Variants in RIMBP2 observed in about 807,000 individuals in gnomAD.
RIMBP2 encodes the protein RIMS binding protein 2.
RIMBP2 carries 48 observed loss-of-function variants against 118.6 expected under a neutral mutation model. The observed-to-expected ratio is 0.40, with a 90% CI of 0.32 to 0.51. The LOEUF (loss-of-function observed/expected upper bound fraction) is 0.51. RIMBP2 is among the 20% of genes least tolerant of loss of function. The pLI, the probability that RIMBP2 is intolerant of heterozygous loss-of-function variation, is 0.41. For synonymous variants in RIMBP2, 762 were observed against 742.9 expected, an observed-to-expected ratio of 1.03 and a Z score of -0.42; for missense variants, 1,551 against 1,768.3, an observed-to-expected ratio of 0.88 and a Z score of 2.20.
intron 2 of RIMBP2, among the ~76,000 whole-genome samples, chr12:130,593,373 G>A (rs1404118017): frequency 2.0e-5 from 3 of 152,264 alleles, no homozygotes; most frequent in Non-Finnish European, 2.9e-5. Flanking sequence ...GACAGGCACA[G>A]TGCCCCGCAC....
At chr12:130,556,860 T>G (rs1175570667) in intron 2 of RIMBP2, among the ~76,000 whole-genome samples, 1 of 152,100 alleles carries the variant, frequency 6.6e-6, no homozygotes, top group Non-Finnish European at 1.5e-5. Flanking sequence ...ACCGGGCCAG[T>G]GAGCAAGTGA....
chr12:130,507,822 G>A (rs1167677515), intron 3 of RIMBP2, among the ~76,000 whole-genome samples: 5 of 152,166 alleles, frequency 3.3e-5, no homozygotes, highest in Admixed American at 2.0e-4. Context: ...TTCAATAACA[G>A]ACTAACATAA....
chr12:130,484,216 A>G (rs2082292490), intron 4 of RIMBP2, among the ~76,000 whole-genome samples: 1 of 152,162 alleles, frequency 6.6e-6, no homozygotes, highest in Non-Finnish European at 1.5e-5. Context: ...ATGCTGTCAC[A>G]GGGCCACCTG....
intron 21 of RIMBP2, among the ~76,000 whole-genome samples, chr12:130,402,459 T>G (rs1158717057): frequency 6.6e-6 from 1 of 152,128 alleles, no homozygotes; most frequent in African/African-American, 2.4e-5. Flanking sequence ...GTTTCCTGCC[T>G]GGAGGGTTCC....
chr12:130,594,075 G>A (rs191462153), intron 2 of RIMBP2, among the ~76,000 whole-genome samples: 15 of 152,286 alleles, frequency 9.8e-5, no homozygotes, highest in African/African-American at 2.6e-4. Context: ...CTAACATTCC[G>A]GAGGAAAGTA....
At chr12:130,500,880 G>A (rs1416403935) in intron 4 of RIMBP2, among the ~76,000 whole-genome samples, 1 of 152,094 alleles carries the variant, frequency 6.6e-6, no homozygotes, top group Non-Finnish European at 1.5e-5. Context: ...TTTAACCCAA[G>A]TGAGCCGCTT....
At chr12:130,574,988 G>A (rs1296191338) in intron 2 of RIMBP2, among the ~76,000 whole-genome samples, 3 of 36,020 alleles carry the variant, frequency 8.3e-5, no homozygotes, top group African/African-American at 2.9e-4. Context: ...ACCCCCAGAC[G>A]CCCTGTGCCA....
At chr12:130,531,997 TGA>T in intron 2 of RIMBP2, among the ~76,000 whole-genome samples, 1 of 92,966 alleles carries the variant, frequency 1.1e-5, no homozygotes. Flanking sequence ...GTACGTCTAA[TGA>T]GATGCGTATG....
chr12:130,691,620 C>G (rs1233615827), intron 1 of RIMBP2, among the ~76,000 whole-genome samples: 1 of 152,146 alleles, frequency 6.6e-6, no homozygotes, highest in Non-Finnish European at 1.5e-5. Context: ...GCAGTGAGCA[C>G]AGATGGCCCC....
At chr12:130,404,653 T>C (rs902579818) in intron 21 of RIMBP2, among the ~76,000 whole-genome samples, 6 of 152,202 alleles carry the variant, frequency 3.9e-5, no homozygotes, top group Non-Finnish European at 4.4e-5. Context: ...CTATGAATCT[T>C]TTCTGACAGA....
At chr12:130,484,177 G>A (rs950773500) in intron 4 of RIMBP2, among the ~76,000 whole-genome samples, 4 of 152,184 alleles carry the variant, frequency 2.6e-5, no homozygotes, top group African/African-American at 9.7e-5. Context: ...CATCCCAGCT[G>A]AAAGCCCCTC....
At chr12:130,619,723 C>T (rs147751612) in intron 2 of RIMBP2, among the ~76,000 whole-genome samples, 28 of 152,296 alleles carry the variant, frequency 1.8e-4, no homozygotes, top group African/African-American at 6.0e-4. Flanking sequence ...GCTGTGCTCA[C>T]GGTCCCTTAT....
At chr12:130,610,807 G>A (rs933917409) in intron 2 of RIMBP2, among the ~76,000 whole-genome samples, 7 of 151,946 alleles carry the variant, frequency 4.6e-5, no homozygotes, top group East Asian at 3.9e-4. Context: ...TGATCCGCCC[G>A]CCTCGGCCTC....
At chr12:130,696,386 A>G (rs925095842) in intron 1 of RIMBP2, among the ~76,000 whole-genome samples, 2 of 152,248 alleles carry the variant, frequency 1.3e-5, no homozygotes, top group African/African-American at 2.4e-5. Context: ...TGTCATCTGC[A>G]TCCCTCAAGT....
In RIMBP2 at chr12:130,639,304, G is replaced by A. The variant is rs145017878; in HGVS notation, c.-351-10848C>T. 6.4e-3 allele frequency among the ~76,000 whole-genome samples: 969 copies of A among 150,874 alleles called. 6 individuals are homozygous for A. The highest frequency in any genetic ancestry group is 0.022 in the African/African-American group (914 of 41,070). On this transcript the variant is annotated intron_variant, in intron 1 of 22. Coordinates refer to ENST00000690449, the MANE Select transcript of RIMBP2 (RefSeq NM_001393629.1). ...CTCAGGAGGCTGAGGCAGGAGAATC[G>A]TTTGAACCCGGGAGGTAGAAGTTGC...
At chr12:130,595,556 A>G (rs1163215028) in intron 2 of RIMBP2, among the ~76,000 whole-genome samples, 1 of 151,560 alleles carries the variant, frequency 6.6e-6, no homozygotes, top group Non-Finnish European at 1.5e-5. Context: ...TCTCAAAAAT[A>G]ATAATAATAA....
intron 6 of RIMBP2, chr12:130,466,450 A>C (rs1177958145): frequency 1.3e-5 from 2 of 152,180 alleles, no homozygotes; most frequent in African/African-American, 4.8e-5. Context: ...TTGCCACCAA[A>C]ACCTCCTGGC....
At chr12:130,435,628 T>C (rs1477511879) in intron 13 of RIMBP2, among the ~76,000 whole-genome samples, 2 of 152,216 alleles carry the variant, frequency 1.3e-5, no homozygotes, top group East Asian at 3.9e-4. Flanking sequence ...CTTGGGCTCC[T>C]GCCTGTGAAC....
At position 130,632,032 on chromosome 12, in the gene RIMBP2, C is replaced by T. The variant is rs572883320; in HGVS notation, c.-351-3576G>A. 1.6e-4 allele frequency among the ~76,000 whole-genome samples: 24 copies of T among 152,326 alleles called. 1 individual carries two copies. The East Asian group carries it at 3.5e-3, about 22-fold the overall frequency. The stretch of plus-strand genomic sequence containing the variant: ...AACTACATGAAACAAATAGTTATCA[C>T]ATAAAAACATTTTTAAAAATCTATA... On this transcript the variant is annotated intron_variant, in intron 1 of 22. Transcript: ENST00000690449.
Sources: gnomAD v4.1 joint callset for allele counts (sites outside exome capture counted in the v4.1 genomes callset) on GRCh38, gnomAD v4.1.1 for gene constraint, MANE v1.5 for transcripts, NCBI Gene and HGNC (gene_info 2026-07-23, HGNC 2026-07-21) for gene names.